Variants in GLRA3 observed in about 807,000 individuals in gnomAD.
The protein encoded by GLRA3 is glycine receptor alpha 3.
GLRA3 carries 44 observed loss-of-function variants against 60.4 expected under a neutral mutation model. That is an observed-to-expected ratio of 0.73 (90% confidence interval 0.57 to 0.94). The LOEUF (loss-of-function observed/expected upper bound fraction) is 0.94. GLRA3 is among the 40% of genes least tolerant of loss of function. The pLI is 0.00. For synonymous variants in GLRA3, 223 were observed against 192.9 expected (o/e 1.16, Z -1.29); for missense variants, 508 against 564.6 (o/e 0.90, Z 1.02).
chr4:174,828,298 A>G (rs1741058648), intron 1 of GLRA3, among the ~76,000 whole-genome samples: 1 of 152,178 alleles, frequency 6.6e-6, no homozygotes, highest in African/African-American at 2.4e-5. Flanking sequence ...ATATAGCAAC[A>G]ACATTTGGAG....
chr4:174,681,721 C>G (rs749766244), intron 6 of GLRA3, among the ~76,000 whole-genome samples: 4 of 152,070 alleles, frequency 2.6e-5, no homozygotes, highest in Non-Finnish European at 5.9e-5. Context: ...TTTAAGACAC[C>G]GTTTGTGATA....
intron 1 of GLRA3, among the ~76,000 whole-genome samples, chr4:174,801,762 C>T (rs1450390175): frequency 1.3e-5 from 2 of 152,100 alleles, no homozygotes; most frequent in South Asian, 2.1e-4. Context: ...TCATTATGAT[C>T]CAGATTTAAG....
chr4:174,683,549 C>G (rs981250757), intron 5 of GLRA3, among the ~76,000 whole-genome samples: 1 of 150,416 alleles, frequency 6.6e-6, no homozygotes, highest in African/African-American at 2.5e-5. Context: ...CGGGGTTTTA[C>G]CATATTGGCC....
At chr4:174,694,719 A>G (rs1444676012) in intron 5 of GLRA3, among the ~76,000 whole-genome samples, 4 of 152,158 alleles carry the variant, frequency 2.6e-5, no homozygotes, top group Non-Finnish European at 4.4e-5. Context: ...AGCAGAAGAC[A>G]AGAAATAACA....
intron 5 of GLRA3, among the ~76,000 whole-genome samples, chr4:174,700,491 A>G (rs1400534677): frequency 6.6e-6 from 1 of 152,152 alleles, no homozygotes; most frequent in African/African-American, 2.4e-5. Flanking sequence ...ATGATGGCAA[A>G]TTATTAGCCA....
intron 2 of GLRA3, among the ~76,000 whole-genome samples, chr4:174,768,048 T>C (rs114695523): frequency 0.018 from 2,760 of 152,188 alleles, 44 homozygotes; most frequent in South Asian, 0.03. Flanking sequence ...AGTGAGTTCT[T>C]AGTGAAGTCA....
At chr4:174,775,382 TAGAA>T (rs1274389355) in intron 2 of GLRA3, among the ~76,000 whole-genome samples, 2 of 152,062 alleles carry the variant, frequency 1.3e-5, no homozygotes, top group African/African-American at 4.8e-5. Context: ...AATAGAGTAC[TAGAA>T]AGAGTCAATT....
At chr4:174,736,987 G>T (rs1053666941) in intron 3 of GLRA3, among the ~76,000 whole-genome samples, 4 of 152,158 alleles carry the variant, frequency 2.6e-5, no homozygotes, top group Non-Finnish European at 5.9e-5. Flanking sequence ...TCATACTGAT[G>T]CTTGTAAAGG....
intron 7 of GLRA3, among the ~76,000 whole-genome samples, chr4:174,675,825 T>A (rs1410871676): frequency 6.6e-6 from 1 of 152,172 alleles, no homozygotes; most frequent in Non-Finnish European, 1.5e-5. Context: ...CATATTTTAA[T>A]GATAAAATTC....
chr4:174,815,613 C>T (rs1740461327), intron 1 of GLRA3, among the ~76,000 whole-genome samples: 5 of 152,192 alleles, frequency 3.3e-5, no homozygotes, highest in Admixed American at 2.0e-4. Flanking sequence ...ACATGCTCAA[C>T]ACCACATGGA....
intron 1 of GLRA3, among the ~76,000 whole-genome samples, chr4:174,820,602 G>A (rs984886447): frequency 1.3e-5 from 2 of 152,156 alleles, no homozygotes; most frequent in African/African-American, 4.8e-5. Flanking sequence ...AGGCTTCTTA[G>A]AGAATGTGAA....
chr4:174,678,989 C>T (rs990144434), intron 6 of GLRA3, among the ~76,000 whole-genome samples: 1 of 152,072 alleles, frequency 6.6e-6, no homozygotes, highest in African/African-American at 2.4e-5. Flanking sequence ...AAATAAGCTC[C>T]ACTGTGTTTT....
intron 9 of GLRA3, among the ~76,000 whole-genome samples, chr4:174,644,450 C>T (rs185552329): frequency 1.4e-3 from 202 of 148,502 alleles, no homozygotes; most frequent in Non-Finnish European, 1.9e-3. Context: ...TGTGTGATGT[C>T]GAAGGGGAAC....
At position 174,729,625 on chromosome 4, in the gene GLRA3, A is replaced by C. The variant is rs911117953; in HGVS notation, c.268-927T>G. ...AATGTTGACAGCTGAGTATATGTGTAGTGTTTGTATATACACAGTATATGA... is the reference window on the plus strand; with the variant it reads ...AATGTTGACAGCTGAGTATATGTGTCGTGTTTGTATATACACAGTATATGA... On this transcript the variant is annotated intron_variant, in intron 3 of 9. Transcript: ENST00000274093. 2.6e-5 allele frequency among the ~76,000 whole-genome samples: 4 copies of C among 152,318 alleles called. No homozygotes were observed. The East Asian group carries it at 7.7e-4, about 29-fold the overall frequency.
chr4:174,738,895 C>T (rs925728308), intron 3 of GLRA3, among the ~76,000 whole-genome samples: 1 of 152,176 alleles, frequency 6.6e-6, no homozygotes, highest in Non-Finnish European at 1.5e-5. Context: ...CCACAAGTGA[C>T]ACCATCTCAT....
chr4:174,781,657 C>A (rs1288973201), intron 2 of GLRA3, among the ~76,000 whole-genome samples: 1 of 150,384 alleles, frequency 6.6e-6, no homozygotes, highest in Non-Finnish European at 1.5e-5. Context: ...CACAGAAATA[C>A]AAACTACCAT....
chr4:174,786,685 ATGT>A (rs2111297761), intron 2 of GLRA3, among the ~76,000 whole-genome samples: 1 of 152,334 alleles, frequency 6.6e-6, no homozygotes, highest in African/African-American at 2.4e-5. Context: ...GAAGTCAATA[ATGT>A]TTGACCTTTG....
intron 5 of GLRA3, among the ~76,000 whole-genome samples, chr4:174,693,394 G>C (rs988750461): frequency 7.9e-5 from 12 of 152,258 alleles, no homozygotes; most frequent in African/African-American, 2.2e-4. Context: ...AGTTATCCCA[G>C]CACCATTTAT....
At chr4:174,775,888 G>GT (rs1470663893) in intron 2 of GLRA3, among the ~76,000 whole-genome samples, 1 of 68,310 alleles carries the variant, frequency 1.5e-5, no homozygotes, top group Non-Finnish European at 3.3e-5. Context: ...CAAAAATAAT[G>GT]GAAAAAAAAT....
Sources: gnomAD v4.1 joint callset for allele counts (sites outside exome capture counted in the v4.1 genomes callset) on GRCh38, gnomAD v4.1.1 for gene constraint, MANE v1.5 for transcripts, NCBI Gene and HGNC (gene_info 2026-07-23, HGNC 2026-07-21) for gene names.